Variants in NRG3 observed in about 807,000 individuals in gnomAD.
NRG3 encodes pro-neuregulin-3, membrane-bound isoform.
Under a neutral mutation model 66.9 loss-of-function variants are expected in NRG3, and 31 were observed. The ratio of observed to expected loss-of-function variants is 0.46; its 90% CI spans 0.35 to 0.63. The LOEUF is 0.63. NRG3 is among the 20% of genes least tolerant of loss of function. The pLI is 0.00. For missense variants in NRG3, 910 were observed against 878.9 expected, an observed-to-expected ratio of 1.04 and a Z score of -0.45; for synonymous variants, 393 against 359.4, an observed-to-expected ratio of 1.09 and a Z score of -1.06.
At chr10:82,758,244 C>T (rs79686405) in intron 3 of NRG3, among the ~76,000 whole-genome samples, 3,184 of 152,130 alleles carry the variant, frequency 0.021, 115 homozygotes, top group African/African-American at 0.072. Context: ...TTGGGCATAG[C>T]CCTGGATGAC....
chr10:82,477,155 G>T (rs1841859497), intron 2 of NRG3, among the ~76,000 whole-genome samples: 2 of 152,088 alleles, frequency 1.3e-5, no homozygotes, highest in Admixed American at 1.3e-4. Context: ...GAACCATGAG[G>T]ACTGATGGCA....
At chr10:82,729,988 A>AAACC (rs1465307759) in intron 2 of NRG3, among the ~76,000 whole-genome samples, 1 of 152,232 alleles carries the variant, frequency 6.6e-6, no homozygotes, top group East Asian at 1.9e-4. Flanking sequence ...TTCACACGTA[A>AAACC]AAACCATAGC....
intron 1 of NRG3, among the ~76,000 whole-genome samples, chr10:81,886,906 A>G (rs1341506288): frequency 6.6e-6 from 1 of 152,166 alleles, no homozygotes; most frequent in African/African-American, 2.4e-5. Flanking sequence ...GAAGTATACC[A>G]AATTGTTCAT....
chr10:82,788,400 T>G (rs1485872461), intron 3 of NRG3, among the ~76,000 whole-genome samples: 1 of 151,938 alleles, frequency 6.6e-6, no homozygotes, highest in Non-Finnish European at 1.5e-5. Flanking sequence ...TGAAACACCA[T>G]CTCTACTAAA....
chr10:82,605,186 GA>G (rs1484385504), intron 2 of NRG3, among the ~76,000 whole-genome samples: 2 of 151,910 alleles, frequency 1.3e-5, no homozygotes, highest in Non-Finnish European at 2.9e-5. Context: ...TTTTTTTGTA[GA>G]TATTCTTTAC....
intron 4 of NRG3, among the ~76,000 whole-genome samples, chr10:82,889,990 A>C (rs1053421224): frequency 6.6e-6 from 1 of 152,156 alleles, no homozygotes; most frequent in Non-Finnish European, 1.5e-5. Flanking sequence ...AGGCTGAAGG[A>C]CTTCTATTCT....
intron 2 of NRG3, among the ~76,000 whole-genome samples, chr10:82,534,135 A>T (rs1006286776): frequency 2.6e-5 from 4 of 152,204 alleles, no homozygotes; most frequent in African/African-American, 9.6e-5. Flanking sequence ...AGAAATGGAA[A>T]GGTATTTTGT....
At chr10:81,981,752 T>G (rs1394280785) in intron 1 of NRG3, among the ~76,000 whole-genome samples, 2 of 152,240 alleles carry the variant, frequency 1.3e-5, no homozygotes, top group African/African-American at 2.4e-5. Flanking sequence ...AACATATGTT[T>G]ACAGCCATTT....
chr10:82,200,222 GTGT>G (rs905006435), intron 1 of NRG3, among the ~76,000 whole-genome samples: 6 of 152,148 alleles, frequency 3.9e-5, no homozygotes, highest in African/African-American at 7.2e-5. Context: ...AGTGCAATTG[GTGT>G]TGTTGTTGAG....
At chr10:82,432,145 G>T (rs538971721) in intron 2 of NRG3, among the ~76,000 whole-genome samples, 1 of 152,224 alleles carries the variant, frequency 6.6e-6, no homozygotes, top group African/African-American at 2.4e-5. Context: ...TTAATAAAAA[G>T]CTTCTGAATT....
intron 3 of NRG3, among the ~76,000 whole-genome samples, chr10:82,787,638 A>G (rs1335991909): frequency 6.6e-6 from 1 of 152,208 alleles, no homozygotes; most frequent in Non-Finnish European, 1.5e-5. Context: ...CTTCAAATCC[A>G]TGCTGAGGCT....
chr10:82,521,780 A>G (rs1565021956), intron 2 of NRG3, among the ~76,000 whole-genome samples: 2 of 152,114 alleles, frequency 1.3e-5, no homozygotes, highest in African/African-American at 4.8e-5. Flanking sequence ...ATTGGGGTCA[A>G]TCCTCTCAAA....
chr10:81,950,341 G>A (rs966742936), intron 1 of NRG3, among the ~76,000 whole-genome samples: 1 of 152,190 alleles, frequency 6.6e-6, no homozygotes, highest in Non-Finnish European at 1.5e-5. Context: ...AATACCTGCT[G>A]TGTGCCAGAG....
intron 1 of NRG3, among the ~76,000 whole-genome samples, chr10:82,186,698 T>C (rs1440650111): frequency 3.9e-5 from 6 of 152,172 alleles, no homozygotes; most frequent in African/African-American, 1.4e-4. Flanking sequence ...TAATCAAAAA[T>C]CACGAGATTG....
At chr10:81,925,600 G>T (rs1342524024) in intron 1 of NRG3, among the ~76,000 whole-genome samples, 1 of 152,070 alleles carries the variant, frequency 6.6e-6, no homozygotes, top group African/African-American at 2.4e-5. Flanking sequence ...ACTTTCTTTT[G>T]TCAATCCAGA....
At chr10:82,503,319 T>C (rs1317230775) in intron 2 of NRG3, among the ~76,000 whole-genome samples, 1 of 152,214 alleles carries the variant, frequency 6.6e-6, no homozygotes, top group African/African-American at 2.4e-5. Context: ...CCACATGGAC[T>C]GAATCATTAG....
chr10:81,926,221 G>C (rs1457680669), intron 1 of NRG3, among the ~76,000 whole-genome samples: 1 of 152,086 alleles, frequency 6.6e-6, no homozygotes, highest in Non-Finnish European at 1.5e-5. Flanking sequence ...GGGTTCAAGT[G>C]AATCTCCTGC....
chr10:82,113,355 T>C (rs937923267), intron 1 of NRG3, among the ~76,000 whole-genome samples: 1 of 152,150 alleles, frequency 6.6e-6, no homozygotes, highest in Non-Finnish European at 1.5e-5. Context: ...CCGCTCCTGA[T>C]CACTATGCAG....
At chr10:82,321,309 G>GGGC (rs1554884239) in intron 1 of NRG3, among the ~76,000 whole-genome samples, 66 of 151,410 alleles carry the variant, frequency 4.4e-4, no homozygotes, top group African/African-American at 1.4e-3. Flanking sequence ...GGTGGGGGTG[G>GGGC]GGGTCAGGGA....
Sources: allele counts gnomAD v4.1 joint callset (sites outside exome capture counted in the v4.1 genomes callset), GRCh38; gene constraint gnomAD v4.1.1; transcripts MANE v1.5; gene names NCBI Gene and HGNC (gene_info 2026-07-23, HGNC 2026-07-21).